Variants in PPP2R3A observed in about 807,000 individuals in gnomAD.
PPP2R3A encodes the protein serine/threonine-protein phosphatase 2A regulatory subunit B'' subunit alpha.
In PPP2R3A, 80 loss-of-function variants were observed where a neutral mutation model predicts 106.9. That is an observed-to-expected ratio of 0.75 (90% CI 0.62 to 0.90). The LOEUF is 0.90. Ranked by LOEUF, PPP2R3A falls within the 40% of genes least tolerant of loss-of-function variation. PPP2R3A has a pLI of 0.00. For missense variants in PPP2R3A, 1,386 were observed against 1,350.4 expected (o/e 1.03, Z -0.41); for synonymous variants, 483 against 468.3 (o/e 1.03, Z -0.41).
chr3:136,014,276 C>T (rs1346302509), intron 2 of PPP2R3A, among the ~76,000 whole-genome samples: 1 of 152,034 alleles, frequency 6.6e-6, no homozygotes, highest in African/African-American at 2.4e-5. Context: ...TGTTCTTTTG[C>T]TTAGTCTTGC....
intron 4 of PPP2R3A, 27 bp downstream of exon 4, chr3:136,040,989 G>T: frequency 6.3e-7 from 1 of 1,585,368 alleles, no homozygotes; most frequent in African/African-American, 1.3e-5. Context: ...TCTCTCTGGA[G>T]CTAGGCAAAG....
chr3:135,974,861 C>CAG (rs1450104434), intron 1 of PPP2R3A, among the ~76,000 whole-genome samples: 1 of 152,202 alleles, frequency 6.6e-6, no homozygotes, highest in Non-Finnish European at 1.5e-5. Flanking sequence ...AAATAAAAAG[C>CAG]AGAGATTAGT....
chr3:135,997,325 A>G (rs185670836), intron 1 of PPP2R3A, among the ~76,000 whole-genome samples: 43 of 152,168 alleles, frequency 2.8e-4, no homozygotes, highest in African/African-American at 9.9e-4. Flanking sequence ...AGTGACCTCC[A>G]TTTGGAAAGT....
intron 1 of PPP2R3A, among the ~76,000 whole-genome samples, chr3:135,994,814 C>T (rs561296492): frequency 6.6e-6 from 1 of 152,136 alleles, no homozygotes; most frequent in Non-Finnish European, 1.5e-5. Context: ...TCATAGAATT[C>T]CTTTTTGCTT....
At chr3:136,080,196 A>G (rs1353042527) in intron 7 of PPP2R3A, among the ~76,000 whole-genome samples, 4 of 151,990 alleles carry the variant, frequency 2.6e-5, no homozygotes, top group Non-Finnish European at 5.9e-5. Context: ...TTTCATTTCC[A>G]TTCATATAAG....
chr3:135,984,905 G>T (rs1442457778), intron 1 of PPP2R3A, among the ~76,000 whole-genome samples: 1 of 152,148 alleles, frequency 6.6e-6, no homozygotes, highest in Non-Finnish European at 1.5e-5. Flanking sequence ...GATGGTGCCA[G>T]GCACCACCAC....
intron 5 of PPP2R3A, among the ~76,000 whole-genome samples, chr3:136,054,475 T>G (rs899563214): frequency 6.6e-5 from 10 of 152,128 alleles, no homozygotes; most frequent in Non-Finnish European, 8.8e-5. Flanking sequence ...GCCAGGATGG[T>G]CTGGATCTCT....
chr3:135,971,595 A>C (rs1260621608), intron 1 of PPP2R3A, among the ~76,000 whole-genome samples: 2 of 152,214 alleles, frequency 1.3e-5, no homozygotes, highest in East Asian at 3.8e-4. Context: ...TGAAAACAGG[A>C]ATATCATCTT....
intron 1 of PPP2R3A, among the ~76,000 whole-genome samples, chr3:135,992,028 A>AT (rs1933187620): frequency 6.6e-6 from 1 of 152,028 alleles, no homozygotes; most frequent in Non-Finnish European, 1.5e-5. Context: ...GAGATGTTGT[A>AT]TTTTCTCAAC....
intron 13 of PPP2R3A, among the ~76,000 whole-genome samples, chr3:136,123,326 T>G (rs1390300657): frequency 6.6e-6 from 1 of 152,142 alleles, no homozygotes; most frequent in African/African-American, 2.4e-5. Context: ...AGATAGCATG[T>G]TAAATGTGTC....
intron 13 of PPP2R3A, among the ~76,000 whole-genome samples, chr3:136,113,127 A>G: frequency 6.6e-6 from 1 of 151,832 alleles, no homozygotes; most frequent in East Asian, 1.9e-4. Flanking sequence ...AAGAAAAAAA[A>G]AATCATATGA....
intron 1 of PPP2R3A, among the ~76,000 whole-genome samples, chr3:135,998,489 A>G (rs551533316): frequency 6.6e-6 from 1 of 152,340 alleles, no homozygotes; most frequent in Non-Finnish European, 1.5e-5. Context: ...AATTACCAAA[A>G]ATTTAAAGAG....
chr3:136,099,663 T>C (rs1177891905), intron 10 of PPP2R3A, among the ~76,000 whole-genome samples: 1 of 150,894 alleles, frequency 6.6e-6, no homozygotes, highest in Non-Finnish European at 1.5e-5. Context: ...GATACGAAAA[T>C]TGGAGAAACA....
At chr3:136,013,024 C>T (rs1006840214) in intron 2 of PPP2R3A, among the ~76,000 whole-genome samples, 12 of 152,160 alleles carry the variant, frequency 7.9e-5, no homozygotes, top group African/African-American at 2.7e-4. Context: ...TTAGCTCTAG[C>T]TTATAAGTGA....
At chr3:136,033,690 C>T (rs983990316) in intron 3 of PPP2R3A, among the ~76,000 whole-genome samples, 1 of 152,092 alleles carries the variant, frequency 6.6e-6, no homozygotes, top group African/African-American at 2.4e-5. Flanking sequence ...TCATAGTAAC[C>T]TTGAATGATC....
At chr3:136,000,841 T>A (rs1344855823) in intron 1 of PPP2R3A, among the ~76,000 whole-genome samples, 1 of 152,108 alleles carries the variant, frequency 6.6e-6, no homozygotes, top group Non-Finnish European at 1.5e-5. Flanking sequence ...GAAATTCATC[T>A]CAGAGGCAGA....
chr3:136,047,137 G>A (rs899531294), intron 4 of PPP2R3A, among the ~76,000 whole-genome samples: 1 of 152,206 alleles, frequency 6.6e-6, no homozygotes, highest in Admixed American at 6.5e-5. Flanking sequence ...GAGAGAAGGA[G>A]CGAGAGTACG....
chr3:136,078,531 C>G, intron 7 of PPP2R3A, 78 bp downstream of exon 7: 1 of 949,672 alleles, frequency 1.1e-6, no homozygotes, highest in Non-Finnish European at 1.6e-6. Context: ...TATTTGAGCG[C>G]TTACTCTATT....
Position 136,059,383 on chromosome 3 carries a change from C to T in PPP2R3A, c.2469+10022C>T, listed in dbSNP as rs111239023. ...GCCAACGATCATATGAAAAAAAACT[C>T]GACATCACTGATGATTAGAGAAATG... On this transcript the variant is annotated intron_variant, in intron 5 of 13. Coordinates refer to ENST00000264977, the MANE Select transcript of PPP2R3A (RefSeq NM_002718.5). Among the ~76,000 whole-genome samples, 13 of 152,112 alleles carry T rather than the reference C, an allele frequency of 8.5e-5. 1 individual carries two copies. The highest frequency in any genetic ancestry group is 2.9e-4 in the African/African-American group (12 of 41,514).
Sources: allele counts gnomAD v4.1 joint callset (sites outside exome capture counted in the v4.1 genomes callset), GRCh38; gene constraint gnomAD v4.1.1; transcripts MANE v1.5; gene names NCBI Gene and HGNC (gene_info 2026-07-23, HGNC 2026-07-21).